Variants in PBX3 observed in about 807,000 individuals in gnomAD.
The protein encoded by PBX3 is pre-B-cell leukemia transcription factor 3.
Under a neutral mutation model 48.5 loss-of-function variants are expected in PBX3, and 14 were observed. That is an observed-to-expected ratio of 0.29 (90% CI 0.19 to 0.45). The LOEUF is 0.45. Ranked by LOEUF, PBX3 falls within the 20% of genes least tolerant of loss-of-function variation. The pLI is 1.00. For synonymous variants in PBX3, 210 were observed against 200.3 expected (o/e 1.05, Z -0.41); for missense variants, 386 against 546.7 (o/e 0.71, Z 2.93).
chr9:125,832,541 T>C (rs936772369), intron 2 of PBX3, among the ~76,000 whole-genome samples: 2 of 152,234 alleles, frequency 1.3e-5, no homozygotes, highest in African/African-American at 4.8e-5. Flanking sequence ...GTTAAAACTT[T>C]CTGTGCAGTT....
intron 2 of PBX3, among the ~76,000 whole-genome samples, chr9:125,832,735 G>C (rs940934753): frequency 2.6e-4 from 40 of 152,228 alleles, no homozygotes; most frequent in African/African-American, 9.4e-4. Context: ...TCCCTTTGCA[G>C]GTATTTATTT....
chr9:125,878,191 A>T (rs1840300045), intron 2 of PBX3, among the ~76,000 whole-genome samples: 1 of 152,296 alleles, frequency 6.6e-6, no homozygotes, highest in Non-Finnish European at 1.5e-5. Flanking sequence ...CAGCTCAAGG[A>T]TTTGTCTGAG....
At chr9:125,799,965 A>G (rs1191782834) in intron 2 of PBX3, among the ~76,000 whole-genome samples, 1 of 152,238 alleles carries the variant, frequency 6.6e-6, no homozygotes, top group East Asian at 1.9e-4. Context: ...AGCCTCACAA[A>G]TCAAGGGACT....
rs1046200036 is a variant in PBX3 at position 125,842,024 on chromosome 9, G to A, written c.275-73662G>A. Among the ~76,000 whole-genome samples, 9 of 152,238 alleles carry A rather than the reference G, an allele frequency of 5.9e-5. No individual in the cohort carries two copies. In the South Asian group the frequency reaches 8.3e-4, roughly 14 times the overall value. On this transcript the variant is annotated intron_variant, in intron 2 of 8. Coordinates refer to ENST00000373489, the MANE Select transcript of PBX3 (RefSeq NM_006195.6). ...TTATGAGACATTTATAATTCAGAAA[G>A]CATGGATTATATTGTCTCTCAACCT...
chr9:125,768,530 A>G (rs1026988656), intron 2 of PBX3, among the ~76,000 whole-genome samples: 14 of 152,254 alleles, frequency 9.2e-5, no homozygotes, highest in African/African-American at 3.1e-4. Flanking sequence ...AGCTTGTTAT[A>G]TGTTATCCTA....
At chr9:125,921,791 C>T (rs1004385395) in intron 3 of PBX3, among the ~76,000 whole-genome samples, 1 of 152,010 alleles carries the variant, frequency 6.6e-6, no homozygotes, top group South Asian at 2.1e-4. Flanking sequence ...GTGAGGCTGG[C>T]GAGACATTTG....
At chr9:125,930,433 T>A (rs1841687842) in intron 4 of PBX3, among the ~76,000 whole-genome samples, 1 of 152,216 alleles carries the variant, frequency 6.6e-6, no homozygotes, top group Admixed American at 6.5e-5. Flanking sequence ...TTGTCTACAG[T>A]GACCTACTGA....
chr9:125,921,083 G>A (rs1020918015), intron 3 of PBX3, among the ~76,000 whole-genome samples: 1 of 152,200 alleles, frequency 6.6e-6, no homozygotes, highest in Non-Finnish European at 1.5e-5. Context: ...AAGCAGGACA[G>A]ACAAAAGGAT....
intron 2 of PBX3, among the ~76,000 whole-genome samples, chr9:125,891,340 A>G (rs1270814078): frequency 2.6e-5 from 4 of 152,248 alleles, no homozygotes; most frequent in African/African-American, 9.6e-5. Context: ...AGATGCAACT[A>G]TCTAAAATGA....
chr9:125,907,526 A>G (rs1841103361), intron 2 of PBX3, among the ~76,000 whole-genome samples: 1 of 152,058 alleles, frequency 6.6e-6, no homozygotes, highest in African/African-American at 2.4e-5. Flanking sequence ...TGACAATTGT[A>G]TGTCAGGAAC....
At chr9:125,762,672 G>T (rs1836701336) in intron 2 of PBX3, among the ~76,000 whole-genome samples, 1 of 152,178 alleles carries the variant, frequency 6.6e-6, no homozygotes, top group South Asian at 2.1e-4. Flanking sequence ...CTGTGTTAAG[G>T]TTTCTAATAT....
At chr9:125,774,954 C>T (rs1351307938) in intron 2 of PBX3, among the ~76,000 whole-genome samples, 1 of 151,986 alleles carries the variant, frequency 6.6e-6, no homozygotes, top group Non-Finnish European at 1.5e-5. Context: ...GCAACCTCTG[C>T]TTCCTAGGTT....
At chr9:125,845,253 G>C (rs541290790) in intron 2 of PBX3, among the ~76,000 whole-genome samples, 87 of 152,176 alleles carry the variant, frequency 5.7e-4, no homozygotes, top group Admixed American at 1.2e-3. Flanking sequence ...CTCATCTGAA[G>C]CATTTTTATG....
chr9:125,783,216 T>TG (rs1456097933), intron 2 of PBX3, among the ~76,000 whole-genome samples: 11 of 152,194 alleles, frequency 7.2e-5, no homozygotes, highest in African/African-American at 2.7e-4. Flanking sequence ...ACATGTGTGA[T>TG]GGTATGCGTG....
chr9:125,845,940 A>G (rs1839416475), intron 2 of PBX3, among the ~76,000 whole-genome samples: 1 of 152,114 alleles, frequency 6.6e-6, no homozygotes, highest in South Asian at 2.1e-4. Context: ...ATTTTATTGT[A>G]TTGTTGCATT....
At chr9:125,750,451 T>C (rs111261945) in intron 2 of PBX3, among the ~76,000 whole-genome samples, 8,448 of 152,328 alleles carry the variant, frequency 0.055, 321 homozygotes, top group Middle Eastern at 0.11. Context: ...TAGTTGCTTA[T>C]TTGCACAGGA....
At chr9:125,875,652 C>T (rs183596304) in intron 2 of PBX3, among the ~76,000 whole-genome samples, 223 of 152,184 alleles carry the variant, frequency 1.5e-3, no homozygotes, top group African/African-American at 4.9e-3. Context: ...TCTTCCTGAC[C>T]TTCTGCCGCC....
intron 2 of PBX3, among the ~76,000 whole-genome samples, chr9:125,784,326 GCCATGTTGGCCAGGCTGGTCTTGAACT>G (rs1238504839): frequency 4.6e-5 from 7 of 152,026 alleles, no homozygotes; most frequent in Admixed American, 4.6e-4. Flanking sequence ...ACGGGGTTTC[GCCATGTTGGCCAGGCTGGTCTTGAACT>G]CCTGACCTCA....
At chr9:125,961,753 C>T (rs1360252075) in intron 6 of PBX3, among the ~76,000 whole-genome samples, 1 of 152,156 alleles carries the variant, frequency 6.6e-6, no homozygotes, top group Non-Finnish European at 1.5e-5. Context: ...TTGACAAGCT[C>T]GTGTAATGAC....
Sources: allele counts gnomAD v4.1 joint callset (sites outside exome capture counted in the v4.1 genomes callset), GRCh38; gene constraint gnomAD v4.1.1; transcripts MANE v1.5; gene names NCBI Gene and HGNC (gene_info 2026-07-23, HGNC 2026-07-21).